COPA: variants seen among roughly 807,000 people sequenced by gnomAD.
COPA encodes the protein coatomer subunit alpha.
In COPA, 10 loss-of-function variants were observed where a neutral mutation model predicts 158.7. That is an observed-to-expected ratio of 0.06 (90% CI 0.04 to 0.11). COPA has a LOEUF of 0.11. Among genes scored for constraint, COPA ranks in the 10% least tolerant of loss-of-function variants. The probability of loss-of-function intolerance (pLI) is 1.00; values close to 1 mark genes in which losing one functional copy is unlikely to be tolerated. For synonymous variants in COPA, 462 were observed against 542.8 expected, an observed-to-expected ratio of 0.85 and a Z score of 2.07; for missense variants, 1,065 against 1,536.7, an observed-to-expected ratio of 0.69 and a Z score of 5.13.
intron 7 of COPA, among the ~76,000 whole-genome samples, chr1:160,325,219 C>T (rs1221035602): frequency 6.6e-6 from 1 of 152,126 alleles, no homozygotes; most frequent in Non-Finnish European, 1.5e-5. Context: ...GGCTGGTTCT[C>T]GATAACTCCG....
At position 160,311,855 on chromosome 1, in the gene COPA, A is replaced by T. The variant is rs149521115; in HGVS notation, c.1076+13T>A. 13,446 of 1,607,736 alleles carry T rather than the reference A, an allele frequency of 8.4e-3. 75 individuals carry two copies. The highest frequency in any genetic ancestry group is 9.7e-3 in the Non-Finnish European group (11,456 of 1,175,782). Reference sequence around the variant, plus strand: ...ATGAGAGGGTTTGGAGGAAAGAAACAAGTCCGATTTACCTCCGCAACTGCA... The same window carrying T: ...ATGAGAGGGTTTGGAGGAAAGAAACTAGTCCGATTTACCTCCGCAACTGCA... On this transcript the variant is annotated intron_variant, in intron 11 of 32. Coordinates refer to ENST00000241704, the MANE Select transcript of COPA (RefSeq NM_004371.4).
intron 23 of COPA, among the ~76,000 whole-genome samples, chr1:160,295,208 G>T (rs1230596965): frequency 6.6e-6 from 1 of 152,120 alleles, no homozygotes; most frequent in Non-Finnish European, 1.5e-5. Context: ...TCAGGCATAG[G>T]GTAGATAGAG....
Position 160,297,372 on chromosome 1 carries a change from C to T in COPA, c.2234G>A (p.Arg745His), listed in dbSNP as rs138441444. 566 of 1,614,200 alleles carry T rather than the reference C, an allele frequency of 3.5e-4. 1 individual carries two copies. The highest frequency in any genetic ancestry group is 4.4e-4 in the Non-Finnish European group (517 of 1,180,026). Residue 745 changes from arginine to histidine, a missense_variant, in exon 21 of 33, where the codon CGT becomes CAT. Transcript: ENST00000241704. ...NALYLGDVSE[R>H]VRILKNCGQK... ...TCCACAGTTCTTCAGGATCCGCACA[C>T]GCTCTGACACATCACCCAGGTATAG...
intron 13 of COPA, among the ~76,000 whole-genome samples, chr1:160,308,402 T>A (rs984766734): frequency 2.6e-5 from 4 of 152,146 alleles, no homozygotes; most frequent in African/African-American, 9.7e-5. Context: ...AATTATTTCT[T>A]AGGAATCTGT....
At chr1:160,310,928 C>T (rs1385915950) in intron 11 of COPA, among the ~76,000 whole-genome samples, 4 of 152,122 alleles carry the variant, frequency 2.6e-5, no homozygotes, top group Non-Finnish European at 5.9e-5. Flanking sequence ...CAGTTTGGGC[C>T]ATTCTCTATC....
intron 21 of COPA, 103 bp downstream of exon 21, chr1:160,297,240 A>C (rs1658445794): frequency 9.7e-7 from 1 of 1,028,796 alleles, no homozygotes; most frequent in Non-Finnish European, 1.5e-6. Flanking sequence ...AAAAAAATGC[A>C]CAATAAAGAG....
At chr1:160,332,733 C>T (rs547591991) in intron 5 of COPA, among the ~76,000 whole-genome samples, 176 bp from the exon 6 acceptor site, 1 of 152,314 alleles carries the variant, frequency 6.6e-6, no homozygotes, top group Non-Finnish European at 1.5e-5. Context: ...GCTATTTTAA[C>T]AATAGTTCTC....
intron 3 of COPA, 61 bp from the exon 4 acceptor site, chr1:160,335,383 G>T: frequency 2.3e-6 from 3 of 1,296,186 alleles, no homozygotes; most frequent in Non-Finnish European, 3.2e-6. Flanking sequence ...AAGGCTCAGA[G>T]AAATTGATAT....
At chr1:160,341,507 G>A (rs1313371212) in intron 1 of COPA, among the ~76,000 whole-genome samples, 1 of 152,126 alleles carries the variant, frequency 6.6e-6, no homozygotes, top group Non-Finnish European at 1.5e-5. Flanking sequence ...TACTGCCCTA[G>A]GCTAAAGACC....
At chr1:160,295,244 G>A (rs1353282647) in intron 23 of COPA, among the ~76,000 whole-genome samples, 1 of 152,132 alleles carries the variant, frequency 6.6e-6, no homozygotes, top group Non-Finnish European at 1.5e-5. Flanking sequence ...GTGGGGTTTG[G>A]CACAAAATGC....
Position 160,323,521 on chromosome 1 carries a change from G to C in COPA, c.616C>G (p.Arg206Gly). The change falls in exon 8 of 33, where the codon CGT (arginine) becomes GGT (glycine). Residue 206 changes from arginine (R) to glycine (G), a missense_variant. Physicochemically the swap from Arg to Gly is moderately radical, Grantham distance 125. Coordinates refer to ENST00000241704, the MANE Select transcript of COPA (RefSeq NM_004371.4). The stretch of plus-strand genomic sequence containing the variant: ...TGGAAGGCAGCCCAGTTTACTCCAC[G>C]ATCGTGACCCTGTAGAAAAGAGTGG... ...VVKHVLEGHD[R>G]GVNWAAFHPT... 6.2e-7 allele frequency: 1 copy of C among 1,608,900 alleles called. No homozygotes were observed.
chr1:160,324,945 G>A (rs1659443850), intron 7 of COPA, among the ~76,000 whole-genome samples: 1 of 152,124 alleles, frequency 6.6e-6, no homozygotes, highest in Non-Finnish European at 1.5e-5. Flanking sequence ...TTATTGAGAT[G>A]TATCATGATG....
intron 5 of COPA, among the ~76,000 whole-genome samples, chr1:160,332,862 T>C (rs1321624416): frequency 6.6e-6 from 1 of 152,224 alleles, no homozygotes; most frequent in Non-Finnish European, 1.5e-5. Flanking sequence ...CAGTAATCCA[T>C]ACTGTAAATT....
Position 160,292,501 on chromosome 1 carries a change from G to C in COPA, c.2943C>G (p.Gly981=). The C allele has an allele frequency of 1.2e-6, 2 of 1,613,720 alleles. No homozygotes were observed. The highest frequency in any genetic ancestry group is 8.5e-7 in the Non-Finnish European group (1 of 1,179,866). ...GGCCTTACCAGTTGCGATTAGGATA[G>C]CCATACATGGAGGGTAGGCAGGGCA... ...QALPCLPSMY[G]YPNRNWKDAG... is the part of the protein sequence containing the mutation. The change falls in exon 28 of 33, where the codon GGC becomes GGG. Residue 981 remains glycine, a synonymous_variant. Transcript: ENST00000241704.
chr1:160,319,246 G>C (rs759243358), intron 8 of COPA, among the ~76,000 whole-genome samples: 1 of 151,884 alleles, frequency 6.6e-6, no homozygotes, highest in Non-Finnish European at 1.5e-5. Context: ...ACTTACATGA[G>C]ATAAAACAGA....
In COPA at chr1:160,325,670, G is replaced by A. The variant is rs368575728; in HGVS notation, c.497-18C>T. The stretch of plus-strand genomic sequence containing the variant: ...CCTCAGACCTTTGAAGGGATAAGGA[G>A]TGGGATGAAAGATGTAAACATAATA... On this transcript the variant is annotated intron_variant, in intron 6 of 32. Transcript: ENST00000241704. The A allele has an allele frequency of 7.0e-6, 11 of 1,568,690 alleles. No homozygotes were observed. The highest frequency in any genetic ancestry group is 9.7e-6 in the Non-Finnish European group (11 of 1,138,826).
Position 160,291,243 on chromosome 1 carries a change from T to C in COPA, c.3420+92A>G. ...GCTTTTTGTTGAATGTTGTTATTTA[T>C]TGCTTTGTTTCAGAGGCAAGGACCT... On this transcript the variant is annotated intron_variant, in intron 31 of 32. Transcript: ENST00000241704. 5 of 1,377,270 alleles carry C rather than the reference T, an allele frequency of 3.6e-6. No individual in the cohort carries two copies. The Middle Eastern group carries it at 7.9e-4, about 217-fold the overall frequency. The allele number at this position is 1,377,270 out of a possible 1,614,324, so 85.3% of individuals were successfully genotyped here. A position where few individuals can be genotyped will look rare whatever the true frequency, so the allele number is the denominator to read the frequency against.
At chr1:160,292,805 A>T (rs1658284334) in intron 27 of COPA, among the ~76,000 whole-genome samples, 185 bp from the exon 28 acceptor site, 1 of 152,240 alleles carries the variant, frequency 6.6e-6, no homozygotes, top group Non-Finnish European at 1.5e-5. Context: ...CACAGTGAAC[A>T]TTAAATAAAC....
At position 160,325,627 on chromosome 1, in the gene COPA, A is replaced by C; in HGVS notation, c.522T>G (p.Pro174=). 1 of 1,614,194 alleles carries C rather than the reference A, an allele frequency of 6.2e-7. No individual in the cohort carries two copies. Among genetic ancestry groups the C allele is most frequent in the Non-Finnish European group, 8.5e-7 (1 of 1,180,030 alleles). Residue 174 remains proline, a synonymous_variant, in exon 7 of 33, where the codon CCT becomes CCG. Transcript: ENST00000241704. The stretch of plus-strand genomic sequence containing the variant: ...CTCTCACATCCGATTCCACCGCACC[A>C]GGGGACAGGTTTTTTTTCCTCAGAC... ...ISGLRKKNLS[P]GAVESDVRGI...
Sources: allele counts gnomAD v4.1 joint callset (sites outside exome capture counted in the v4.1 genomes callset), GRCh38; gene constraint gnomAD v4.1.1; transcripts MANE v1.5; gene names NCBI Gene and HGNC (gene_info 2026-07-23, HGNC 2026-07-21).